Variants in GRIP1 observed in about 807,000 individuals in gnomAD.
GRIP1 encodes glutamate receptor-interacting protein 1.
In GRIP1, 45 loss-of-function variants were observed where a neutral mutation model predicts 129.9. That is an observed-to-expected ratio of 0.35 (90% CI 0.27 to 0.44). The LOEUF is 0.44. GRIP1 is among the 20% of genes least tolerant of loss of function. The probability of loss-of-function intolerance (pLI) is 1.00; values close to 1 mark genes in which losing one functional copy is unlikely to be tolerated. For synonymous variants in GRIP1, 530 were observed against 520.8 expected (o/e 1.02, Z -0.24); for missense variants, 1,196 against 1,396.8 (o/e 0.86, Z 2.29).
chr12:66,929,904 T>C (rs1241912606), intron 1 of GRIP1, among the ~76,000 whole-genome samples: 1 of 152,206 alleles, frequency 6.6e-6, no homozygotes, highest in African/African-American at 2.4e-5. Flanking sequence ...AGTATCCTAC[T>C]TATGATTGAC....
chr12:66,385,596 A>ATTATTTATTTATTTAT (rs149410816), intron 19 of GRIP1, among the ~76,000 whole-genome samples: 1 of 151,446 alleles, frequency 6.6e-6, no homozygotes, highest in African/African-American at 2.4e-5. Flanking sequence ...TCTCCTTTGG[A>ATTATTTATTTATTTAT]TTATTTATTT....
exon 1 of GRIP1, chr12:67,069,130 G>A: frequency 1.0e-6 from 1 of 985,200 alleles, no homozygotes; most frequent in Non-Finnish European, 1.2e-6. Context: ...TGCGCTCGCT[G>A]TCGGGCTCGC....
intron 1 of GRIP1, among the ~76,000 whole-genome samples, chr12:66,797,033 T>A (rs2038718165): frequency 1.3e-5 from 2 of 152,278 alleles, no homozygotes; most frequent in South Asian, 4.1e-4. Flanking sequence ...CATGGTTGGA[T>A]GTTTCAGAAA....
In GRIP1 at chr12:66,530,675, A is replaced by G. The variant is rs376067815; in HGVS notation, c.419-761T>C. Among the ~76,000 whole-genome samples the G allele has an allele frequency of 8.5e-5, 13 of 152,212 alleles. No individual in the cohort carries two copies. The South Asian group carries it at 2.7e-3, about 32-fold the overall frequency. ...TACATTTACTAAAATATTCTGTAAG[A>G]TTGCTTACAAGAACCTGTTGAGTCA... On this transcript the variant is annotated intron_variant, in intron 4 of 24. Coordinates refer to ENST00000359742, the MANE Select transcript of GRIP1 (RefSeq NM_001366722.1).
chr12:66,415,708 G>T (rs1401191934), intron 15 of GRIP1, among the ~76,000 whole-genome samples: 10 of 152,058 alleles, frequency 6.6e-5, no homozygotes, highest in African/African-American at 2.4e-4. Flanking sequence ...AAGAAAATGT[G>T]ATATATATAC....
chr12:66,927,443 T>C (rs1003436651), intron 1 of GRIP1, among the ~76,000 whole-genome samples: 3 of 152,190 alleles, frequency 2.0e-5, no homozygotes, highest in Non-Finnish European at 4.4e-5. Flanking sequence ...CATGTCCCTA[T>C]GCTCTTCATC....
chr12:66,867,758 T>C (rs772081848), intron 1 of GRIP1, among the ~76,000 whole-genome samples: 1 of 152,174 alleles, frequency 6.6e-6, no homozygotes, highest in Non-Finnish European at 1.5e-5. Context: ...GAAAACTACA[T>C]GTCAGTTGAA....
intron 2 of GRIP1, among the ~76,000 whole-genome samples, chr12:66,553,601 A>T (rs1387004740): frequency 2.6e-5 from 4 of 151,556 alleles, no homozygotes; most frequent in Admixed American, 6.6e-5. Flanking sequence ...AGGAACCAAA[A>T]ATCAGGTGAG....
chr12:66,634,401 T>C (rs950946063), intron 1 of GRIP1, among the ~76,000 whole-genome samples: 2 of 152,198 alleles, frequency 1.3e-5, no homozygotes, highest in African/African-American at 4.8e-5. Flanking sequence ...ATGGAAGACT[T>C]GCTTTTATAG....
chr12:66,487,455 C>T (rs1043462561), intron 7 of GRIP1, among the ~76,000 whole-genome samples: 5 of 152,168 alleles, frequency 3.3e-5, no homozygotes, highest in Admixed American at 2.0e-4. Context: ...CACCTCAAGC[C>T]TGCTTTGCAA....
At chr12:66,640,008 T>C (rs1182407500) in intron 1 of GRIP1, among the ~76,000 whole-genome samples, 1 of 152,142 alleles carries the variant, frequency 6.6e-6, no homozygotes, top group Non-Finnish European at 1.5e-5. Context: ...CTCTAGAATG[T>C]CCTTCACTCC....
intron 1 of GRIP1, among the ~76,000 whole-genome samples, chr12:66,765,960 C>T (rs763513108): frequency 5.9e-5 from 9 of 152,162 alleles, no homozygotes; most frequent in Non-Finnish European, 1.0e-4. Context: ...AGCTGATCTT[C>T]AGAACTTGCA....
At chr12:66,768,546 A>C (rs2037717812) in intron 1 of GRIP1, among the ~76,000 whole-genome samples, 1 of 152,204 alleles carries the variant, frequency 6.6e-6, no homozygotes, top group South Asian at 2.1e-4. Context: ...CAGCAGGCTG[A>C]AGGAGTGAAG....
At chr12:66,967,328 T>C (rs1187187047) in intron 1 of GRIP1, among the ~76,000 whole-genome samples, 1 of 152,162 alleles carries the variant, frequency 6.6e-6, no homozygotes, top group African/African-American at 2.4e-5. Flanking sequence ...TACTTCAAAA[T>C]ATATGCAACA....
At chr12:66,907,217 T>G (rs1348148787) in intron 1 of GRIP1, among the ~76,000 whole-genome samples, 1 of 152,218 alleles carries the variant, frequency 6.6e-6, no homozygotes, top group Non-Finnish European at 1.5e-5. Context: ...AGTACATTTT[T>G]GCTAGTGGGG....
At chr12:66,605,334 G>A (rs2064472350) in intron 1 of GRIP1, among the ~76,000 whole-genome samples, 1 of 152,062 alleles carries the variant, frequency 6.6e-6, no homozygotes, top group African/African-American at 2.4e-5. Context: ...GAAAAAGAGG[G>A]AGCTTTCTGT....
intron 1 of GRIP1, among the ~76,000 whole-genome samples, chr12:66,745,556 AC>A (rs2036918057): frequency 1.3e-5 from 2 of 152,210 alleles, no homozygotes; most frequent in South Asian, 4.1e-4. Flanking sequence ...CGCATGAAAG[AC>A]TACAATAGAA....
chr12:66,816,310 C>T (rs909614441), intron 1 of GRIP1, among the ~76,000 whole-genome samples: 35 of 152,110 alleles, frequency 2.3e-4, no homozygotes, highest in African/African-American at 8.4e-4. Context: ...TTTGGCTTTC[C>T]CTGAAACTGA....
At chr12:67,002,190 T>C (rs569066309) in intron 1 of GRIP1, among the ~76,000 whole-genome samples, 1 of 152,356 alleles carries the variant, frequency 6.6e-6, no homozygotes, top group East Asian at 1.9e-4. Flanking sequence ...CAATGATAGA[T>C]GCAACTAATT....
Sources: gnomAD v4.1 joint callset for allele counts (sites outside exome capture counted in the v4.1 genomes callset) on GRCh38, gnomAD v4.1.1 for gene constraint, MANE v1.5 for transcripts, NCBI Gene and HGNC (gene_info 2026-07-23, HGNC 2026-07-21) for gene names.